PTPRT: variants seen among roughly 807,000 people sequenced by gnomAD.
The protein encoded by PTPRT is protein tyrosine phosphatase receptor type T.
A neutral mutation model predicts 176.8 loss-of-function variants in PTPRT; 56 were observed. The observed-to-expected ratio is 0.32, with a 90% CI of 0.26 to 0.40. PTPRT has a LOEUF of 0.40. PTPRT is among the 10% of genes least tolerant of loss of function. The pLI is 1.00. For synonymous variants in PTPRT, 783 were observed against 739.0 expected (o/e 1.06, Z -0.96); for missense variants, 1,540 against 1,908.2 (o/e 0.81, Z 3.60).
At chr20:42,745,120 C>A (rs2076673641) in intron 6 of PTPRT, among the ~76,000 whole-genome samples, 1 of 152,244 alleles carries the variant, frequency 6.6e-6, no homozygotes, top group East Asian at 1.9e-4. Context: ...GAGGGAAGGC[C>A]AAGCATCACT....
chr20:42,384,966 C>T (rs954290224), intron 9 of PTPRT, among the ~76,000 whole-genome samples: 2 of 152,106 alleles, frequency 1.3e-5, no homozygotes, highest in African/African-American at 4.8e-5. Flanking sequence ...TATATGAGTT[C>T]CTTATATAAT....
chr20:42,037,918 C>A, the PTPRT span, among the ~76,000 whole-genome samples: 1 of 152,164 alleles, frequency 6.6e-6, no homozygotes, highest in Non-Finnish European at 1.5e-5. Context: ...ACAGCTGCTG[C>A]TTTCCAGGAG....
At chr20:42,479,575 C>G (rs573300582) in intron 7 of PTPRT, among the ~76,000 whole-genome samples, 1 of 152,212 alleles carries the variant, frequency 6.6e-6, no homozygotes, top group Non-Finnish European at 1.5e-5. Flanking sequence ...GAAACCCACT[C>G]TCTTGCTTAT....
intron 7 of PTPRT, among the ~76,000 whole-genome samples, chr20:42,606,122 T>A (rs1215865070): frequency 6.6e-6 from 1 of 152,182 alleles, no homozygotes; most frequent in Non-Finnish European, 1.5e-5. Flanking sequence ...GTGAGCCCCG[T>A]TGGCTCTTCT....
chr20:42,753,677 C>T (rs930295613), intron 6 of PTPRT, among the ~76,000 whole-genome samples: 1 of 152,142 alleles, frequency 6.6e-6, no homozygotes, highest in Non-Finnish European at 1.5e-5. Flanking sequence ...CCCAGGCTAG[C>T]ACCAGCCCCT....
At chr20:42,583,990 A>T (rs2073425483) in intron 7 of PTPRT, among the ~76,000 whole-genome samples, 1 of 152,160 alleles carries the variant, frequency 6.6e-6, no homozygotes, top group Non-Finnish European at 1.5e-5. Context: ...GTGCATATGC[A>T]GGCACGCCAG....
At chr20:42,186,383 CATTCCTTCTACCA>C (rs1990783609) in intron 16 of PTPRT, among the ~76,000 whole-genome samples, 2 of 67,430 alleles carry the variant, frequency 3.0e-5, no homozygotes, top group African/African-American at 4.1e-5. Flanking sequence ...CCTTCTACCA[CATTCCTTCTACCA>C]CACTTCCACC....
chr20:42,476,185 TC>T (rs1225444083), intron 7 of PTPRT, among the ~76,000 whole-genome samples: 1 of 152,212 alleles, frequency 6.6e-6, no homozygotes, highest in African/African-American at 2.4e-5. Flanking sequence ...GAATTGCCTT[TC>T]TTGGAGAAAT....
At chr20:42,102,060 C>T in intron 26 of PTPRT, 64 bp downstream of exon 26, 3 of 1,564,866 alleles carry the variant, frequency 1.9e-6, no homozygotes, top group South Asian at 2.3e-5. Context: ...CAGCCACCTC[C>T]ACCTCAGGAA....
At chr20:42,372,815 T>C (rs569837672) in intron 9 of PTPRT, among the ~76,000 whole-genome samples, 1 of 152,108 alleles carries the variant, frequency 6.6e-6, no homozygotes, top group Non-Finnish European at 1.5e-5. Flanking sequence ...AGCATGAAGT[T>C]TGCCATCTAC....
chr20:42,043,547 C>A, the PTPRT span, among the ~76,000 whole-genome samples: 1 of 152,184 alleles, frequency 6.6e-6, no homozygotes, highest in Non-Finnish European at 1.5e-5. Flanking sequence ...CATGAGGTCA[C>A]ATATTCCAGA....
At chr20:42,414,064 T>A (rs2059041791) in intron 9 of PTPRT, among the ~76,000 whole-genome samples, 1 of 152,074 alleles carries the variant, frequency 6.6e-6, no homozygotes, top group South Asian at 2.1e-4. Flanking sequence ...ACTCCTAACC[T>A]CAGGTGATCA....
intron 9 of PTPRT, among the ~76,000 whole-genome samples, chr20:42,417,872 A>G (rs1383149079): frequency 6.6e-6 from 1 of 151,916 alleles, no homozygotes; most frequent in Admixed American, 6.6e-5. Flanking sequence ...TGAGGAGTTG[A>G]GATGACAGGC....
At chr20:42,932,028 TGCCACACACGG>T (rs1979885791) in intron 1 of PTPRT, among the ~76,000 whole-genome samples, 1 of 152,238 alleles carries the variant, frequency 6.6e-6, no homozygotes, top group African/African-American at 2.4e-5. Flanking sequence ...GTCCCATGAA[TGCCACACACGG>T]GCCTGGCTTG....
chr20:42,080,806 T>C lies in PTPRT; in HGVS notation c.*73A>G, dbSNP rs1600457609. On this transcript the variant is annotated 3_prime_UTR_variant, in exon 31 of 31. Transcript: ENST00000373187. ...CCACCTCAGAGCTCCTGAGCCCAGT[T>C]ACTGCCATTCACACAAAAGGGGGCT... 1 of 1,459,412 alleles carries C rather than the reference T, an allele frequency of 6.9e-7. No homozygotes were observed. The highest frequency in any genetic ancestry group is 1.4e-5 in the African/African-American group (1 of 71,628). 90.4% of individuals were successfully genotyped at this position (1,459,412 alleles called of 1,614,324 possible). A position where few individuals can be genotyped will look rare whatever the true frequency, so the allele number is the denominator to read the frequency against.
intron 1 of PTPRT, among the ~76,000 whole-genome samples, chr20:42,947,354 C>T (rs763495677): frequency 6.6e-6 from 1 of 152,142 alleles, no homozygotes. Context: ...GCCCAACCTT[C>T]CCCCAGCCCC....
the PTPRT span, among the ~76,000 whole-genome samples, chr20:42,032,448 C>G: frequency 6.6e-6 from 1 of 152,122 alleles, no homozygotes; most frequent in Admixed American, 6.5e-5. Flanking sequence ...AGTCACAGAT[C>G]CCCATGTTGA....
chr20:42,484,464 C>G (rs546690486), intron 7 of PTPRT, among the ~76,000 whole-genome samples: 1 of 152,162 alleles, frequency 6.6e-6, no homozygotes, highest in East Asian at 1.9e-4. Context: ...ACTTTCGTTG[C>G]CTGTTCCATG....
intron 16 of PTPRT, among the ~76,000 whole-genome samples, chr20:42,167,395 G>A (rs1430696572): frequency 6.6e-6 from 1 of 152,116 alleles, no homozygotes; most frequent in Non-Finnish European, 1.5e-5. Flanking sequence ...TCAGTTTCCT[G>A]ATGGCCCTTC....
Sources: allele counts gnomAD v4.1 joint callset (sites outside exome capture counted in the v4.1 genomes callset), GRCh38; gene constraint gnomAD v4.1.1; transcripts MANE v1.5; gene names NCBI Gene and HGNC (gene_info 2026-07-23, HGNC 2026-07-21).